LONP1: variants seen among roughly 807,000 people sequenced by gnomAD.
The protein encoded by LONP1 is lon peptidase 1, mitochondrial.
A neutral mutation model predicts 98.5 loss-of-function variants in LONP1; 31 were observed. The ratio of observed to expected loss-of-function variants is 0.31; its 90% confidence interval spans 0.24 to 0.42. The LOEUF is 0.42. LONP1 is among the 20% of genes least tolerant of loss of function. The pLI is 1.00. For synonymous variants in LONP1, 781 were observed against 594.7 expected (o/e 1.31, Z -4.56); for missense variants, 1,336 against 1,350.6 (o/e 0.99, Z 0.17).
intron 17 of LONP1, among the ~76,000 whole-genome samples, chr19:5,692,612 G>A (rs977196499): frequency 2.6e-5 from 4 of 152,142 alleles, no homozygotes; most frequent in African/African-American, 9.7e-5. Flanking sequence ...CCTCACCTCC[G>A]GAGGCTACAC....
At chr19:5,714,598 C>A (rs1167247807) in intron 1 of LONP1, among the ~76,000 whole-genome samples, 5 of 150,394 alleles carry the variant, frequency 3.3e-5, no homozygotes, top group Admixed American at 2.0e-4. Flanking sequence ...AGCCACCAAA[C>A]GCAGCACAGG....
intron 11 of LONP1, 115 bp from the exon 12 acceptor site, chr19:5,696,486 C>G: frequency 7.0e-7 from 1 of 1,433,818 alleles, no homozygotes; most frequent in Non-Finnish European, 9.5e-7. Flanking sequence ...CACCCACACC[C>G]TGCCTTGGAC....
At chr19:5,706,977 C>CCGTG in intron 7 of LONP1, 83 bp downstream of exon 7, 2 of 1,202,104 alleles carry the variant, frequency 1.7e-6, no homozygotes, top group African/African-American at 3.0e-5. Context: ...ACCGGTCCCT[C>CCGTG]CGTGTGCTCC....
chr19:5,697,564 G>A lies in LONP1; in HGVS notation c.1686-807C>T, dbSNP rs2054960518. Among the ~76,000 whole-genome samples the A allele has an allele frequency of 1.6e-5, 2 of 128,196 alleles. 1 individual carries two copies. The highest frequency in any genetic ancestry group is 6.1e-4 in the South Asian group (2 of 3,268). 84.1% of individuals were successfully genotyped at this position (128,196 alleles called of 152,430 possible). ...AGGGAGGAGATGGAGAGGGAAGGGG[G>A]TAGAGGGAGGGGGAGGAAGAAGAGA... is the stretch of plus-strand genomic sequence containing the variant. On this transcript the variant is annotated intron_variant, in intron 10 of 17. Coordinates refer to ENST00000360614, the MANE Select transcript of LONP1 (RefSeq NM_004793.4).
chr19:5,691,914 ACTGGACCGAG>A lies in LONP1; in HGVS notation c.*108_*117del, dbSNP rs2054828696. 1 of 1,178,282 alleles carries A rather than the reference ACTGGACCGAG, an allele frequency of 8.5e-7. No individual in the cohort carries two copies. The highest frequency in any genetic ancestry group is 1.5e-5 in the South Asian group (1 of 66,206). The allele number at this position is 1,178,282 out of a possible 1,614,324, so 73.0% of individuals were successfully genotyped here. The stretch of plus-strand genomic sequence containing the variant: ...GACTGAGGTCCCTGGGATCTGGGTC[ACTGGACCGAG>A]CTGCTCGCTCGGTGGCTCCACTGCC... On this transcript the variant is annotated 3_prime_UTR_variant, in exon 18 of 18. Transcript: ENST00000360614.
intron 5 of LONP1, 88 bp downstream of exon 5, chr19:5,708,254 G>C: frequency 3.0e-6 from 4 of 1,328,942 alleles, no homozygotes; most frequent in South Asian, 1.2e-5. Context: ...CCTCCCAGGA[G>C]GACGCTGAGG....
intron 7 of LONP1, 138 bp downstream of exon 7, chr19:5,706,922 C>T: frequency 1.5e-6 from 1 of 675,224 alleles, no homozygotes; most frequent in South Asian, 1.7e-5. Flanking sequence ...GGCACGAAGC[C>T]CTCAAAACCC....
Position 5,710,117 on chromosome 19 carries a change from CTT to C in LONP1, c.870+1652_870+1653del, listed in dbSNP as rs1487188356. ...TTTTTTTTTGAGACAGAGTTTTGCT[CTT>C]GTTGCCCAGGCTGGAATGCAATAGT... On this transcript the variant is annotated intron_variant, in intron 4 of 17. Coordinates refer to ENST00000360614, the MANE Select transcript of LONP1 (RefSeq NM_004793.4). 8.3e-5 allele frequency among the ~76,000 whole-genome samples: 12 copies of C among 144,398 alleles called. No individual in the cohort carries two copies. In the South Asian group the frequency reaches 1.3e-3, roughly 16 times the overall value. The allele number at this position is 144,398 out of a possible 152,430, so 94.7% of individuals were successfully genotyped here.
intron 4 of LONP1, chr19:5,708,751 C>T (rs1025694497): frequency 8.2e-5 from 17 of 208,012 alleles, no homozygotes; most frequent in African/African-American, 3.7e-4. Context: ...TGGTGGCTCA[C>T]GCCTGTAATC....
intron 13 of LONP1, 76 bp downstream of exon 13, chr19:5,695,978 G>C (rs2054919587): frequency 7.4e-7 from 1 of 1,353,188 alleles, no homozygotes. Flanking sequence ...AGCTCCCAGA[G>C]GCACGGCCTC....
In LONP1 at chr19:5,720,067, C is replaced by G; in HGVS notation, c.66G>C (p.Pro22=). 1.4e-5 allele frequency: 22 copies of G among 1,529,516 alleles called. No individual in the cohort carries two copies. Among genetic ancestry groups the G allele is most frequent in the Non-Finnish European group, 1.9e-5 (22 of 1,143,424 alleles). 94.7% of individuals were successfully genotyped at this position (1,529,516 alleles called of 1,614,324 possible). A position where few individuals can be genotyped will look rare whatever the true frequency, so the allele number is the denominator to read the frequency against. The change falls in exon 1 of 18, where the codon CCG becomes CCC. Residue 22 remains proline, a synonymous_variant. Transcript: ENST00000360614. ...CCCGCCCCCCGGCGGCGGCCAGCATCGGCCGCCGCAGCACCCAGCACCGCG... is the reference window on the plus strand; with the variant it reads ...CCCGCCCCCCGGCGGCGGCCAGCATGGGCCGCCGCAGCACCCAGCACCGCG... The part of the protein sequence containing the change: ...GAARCWVLRR[P]MLAAAGGRVP...
At chr19:5,712,669 AT>A (rs2055256564) in intron 3 of LONP1, among the ~76,000 whole-genome samples, 2 of 151,748 alleles carry the variant, frequency 1.3e-5, no homozygotes, top group African/African-American at 4.8e-5. Flanking sequence ...ACTTTTTATT[AT>A]TTTTTATAGA....
intron 15 of LONP1, 139 bp from the exon 16 acceptor site, chr19:5,693,908 G>C: frequency 4.2e-6 from 3 of 721,184 alleles, no homozygotes; most frequent in Non-Finnish European, 7.0e-6. Flanking sequence ...GTGTCCCATC[G>C]TGAGCCAACG....
At chr19:5,694,196 G>A (rs2054882153) in intron 15 of LONP1, among the ~76,000 whole-genome samples, 191 bp downstream of exon 15, 1 of 152,280 alleles carries the variant, frequency 6.6e-6, no homozygotes, top group Non-Finnish European at 1.5e-5. Context: ...CCCATGGTGT[G>A]CTGCCACCCC....
chr19:5,703,237 G>C (rs576872005), intron 8 of LONP1, among the ~76,000 whole-genome samples: 2 of 152,130 alleles, frequency 1.3e-5, no homozygotes, highest in South Asian at 4.2e-4. Context: ...CCCAGTGCAG[G>C]AAGGAGGAGA....
upstream of LONP1, chr19:5,720,358 G>A (rs978082391): frequency 7.4e-6 from 5 of 679,646 alleles, no homozygotes; most frequent in African/African-American, 9.6e-5. Flanking sequence ...CCGGTCACGT[G>A]GAAGGCTGTG....
chr19:5,706,106 G>C, intron 7 of LONP1, 114 bp from the exon 8 acceptor site: 2 of 695,770 alleles, frequency 2.9e-6, no homozygotes, highest in Non-Finnish European at 5.0e-6. Context: ...GAAAAGAAAC[G>C]AAACCCAGAG....
At chr19:5,699,301 G>A in intron 9 of LONP1, 96 bp from the exon 10 acceptor site, 4 of 1,020,360 alleles carry the variant, frequency 3.9e-6, no homozygotes, top group South Asian at 2.1e-5. Flanking sequence ...TCAGACGTCT[G>A]AGGGCTGCGA....
At chr19:5,703,403 C>CGGGAGAGTGACGCTGAAGGTT (rs1421784770) in intron 8 of LONP1, among the ~76,000 whole-genome samples, 59 of 152,036 alleles carry the variant, frequency 3.9e-4, no homozygotes, top group African/African-American at 1.4e-3. Flanking sequence ...GGTCCCCTGC[C>CGGGAGAGTGACGCTGAAGGTT]GGGAGAGTGA....
Sources: gnomAD v4.1 joint callset for allele counts (sites outside exome capture counted in the v4.1 genomes callset) on GRCh38, gnomAD v4.1.1 for gene constraint, MANE v1.5 for transcripts, NCBI Gene and HGNC (gene_info 2026-07-23, HGNC 2026-07-21) for gene names.